VPS13A: variants seen among roughly 807,000 people sequenced by gnomAD.
VPS13A encodes the protein vacuolar protein sorting 13 homolog A.
A neutral mutation model predicts 390.9 loss-of-function variants in VPS13A; 264 were observed. The ratio of observed to expected loss-of-function variants is 0.68; its 90% CI spans 0.61 to 0.75. The LOEUF (loss-of-function observed/expected upper bound fraction) is 0.75. Among genes scored for constraint, VPS13A ranks in the 30% least tolerant of loss-of-function variants. VPS13A has a pLI of 0.00. For synonymous variants in VPS13A, 1,231 were observed against 1,227.1 expected (o/e 1.00, Z -0.07); for missense variants, 3,409 against 3,733.9 (o/e 0.91, Z 2.27).
chr9:77,342,827 A>G (rs769227330), intron 50 of VPS13A, among the ~76,000 whole-genome samples: 37 of 152,274 alleles, frequency 2.4e-4, no homozygotes, highest in Admixed American at 1.1e-3. Flanking sequence ...AGAAAGCACA[A>G]TTACCACCTG....
chr9:77,325,187 G>T (rs1296482574), intron 45 of VPS13A, among the ~76,000 whole-genome samples: 2 of 152,182 alleles, frequency 1.3e-5, no homozygotes, highest in African/African-American at 2.4e-5. Flanking sequence ...TGCATGCGCA[G>T]TTCACGCTCC....
At chr9:77,263,602 T>C (rs1387745835) in intron 23 of VPS13A, among the ~76,000 whole-genome samples, 1 of 152,208 alleles carries the variant, frequency 6.6e-6, no homozygotes, top group East Asian at 1.9e-4. Context: ...GTTGGTTTCT[T>C]ACTTGTAAAT....
At chr9:77,184,487 C>G (rs1824209890) in intron 1 of VPS13A, among the ~76,000 whole-genome samples, 1 of 152,018 alleles carries the variant, frequency 6.6e-6, no homozygotes, top group Non-Finnish European at 1.5e-5. Context: ...GGTGTGGTGG[C>G]GGGCACCTGT....
At chr9:77,349,895 C>T (rs545062816) in intron 52 of VPS13A, among the ~76,000 whole-genome samples, 16 of 152,134 alleles carry the variant, frequency 1.1e-4, no homozygotes, top group East Asian at 7.7e-4. Flanking sequence ...CCACCTGCCT[C>T]GACCTCCGAA....
chr9:77,222,770 A>G (rs1823294669), intron 13 of VPS13A, among the ~76,000 whole-genome samples: 1 of 152,196 alleles, frequency 6.6e-6, no homozygotes, highest in Non-Finnish European at 1.5e-5. Flanking sequence ...GCATCCATAT[A>G]AGACAGCTGT....
chr9:77,261,687 C>T (rs555725153), intron 23 of VPS13A, among the ~76,000 whole-genome samples: 4 of 151,996 alleles, frequency 2.6e-5, no homozygotes, highest in Admixed American at 6.6e-5. Flanking sequence ...CAGGTTCAAG[C>T]GGTTGTCCCA....
At chr9:77,298,377 A>G (rs1828134955) in intron 33 of VPS13A, among the ~76,000 whole-genome samples, 1 of 152,220 alleles carries the variant, frequency 6.6e-6, no homozygotes, top group Non-Finnish European at 1.5e-5. Context: ...AAGAATGCTG[A>G]GGAATACCAG....
At chr9:77,405,841 T>G (rs761530406) in intron 69 of VPS13A, 23 bp from the exon 70 acceptor site, 2 of 1,611,554 alleles carry the variant, frequency 1.2e-6, no homozygotes, top group South Asian at 2.2e-5. Flanking sequence ...AAGCGAATTC[T>G]TTTTTTGTTT....
At chr9:77,342,205 A>G (rs568759621) in intron 50 of VPS13A, among the ~76,000 whole-genome samples, 3 of 152,270 alleles carry the variant, frequency 2.0e-5, no homozygotes, top group South Asian at 2.1e-4. Flanking sequence ...ACAAACCACA[A>G]TGAAAGTAAC....
At chr9:77,354,926 A>G (rs974758948) in intron 54 of VPS13A, among the ~76,000 whole-genome samples, 1 of 152,120 alleles carries the variant, frequency 6.6e-6, no homozygotes, top group Admixed American at 6.6e-5. Flanking sequence ...CTACTTTTGC[A>G]CTGTACTTCA....
chr9:77,293,210 A>C, intron 31 of VPS13A, 131 bp from the exon 32 acceptor site: 3 of 787,416 alleles, frequency 3.8e-6, no homozygotes, highest in Non-Finnish European at 6.1e-6. Flanking sequence ...TTGTTGCCTC[A>C]TTTGTACTTG....
Position 77,416,112 on chromosome 9 carries a change from T to G in VPS13A, c.*106T>G, listed in dbSNP as rs1835160786. On this transcript the variant is annotated 3_prime_UTR_variant, in exon 72 of 72. Coordinates refer to ENST00000360280, the MANE Select transcript of VPS13A (RefSeq NM_033305.3). The stretch of plus-strand genomic sequence containing the variant: ...ATTACAGAAATGATTTCAAGTACCC[T>G]GTATTCTGGATGCTAAAAAACAAAA... The G allele has an allele frequency of 1.5e-6, 2 of 1,331,078 alleles. No homozygotes were observed. Among genetic ancestry groups the G allele is most frequent in the Non-Finnish European group, 2.1e-6 (2 of 942,452 alleles). The allele number at this position is 1,331,078 out of a possible 1,614,324, so 82.5% of individuals were successfully genotyped here.
chr9:77,280,319 G>A lies in VPS13A; in HGVS notation c.2904+81G>A, dbSNP rs1057142928. On this transcript the variant is annotated intron_variant, in intron 27 of 71. Transcript: ENST00000360280. ...AGTTTTGTAAGTTTGGTATTATTCA[G>A]TTTATTTAATCTTCACTGTAACATA... 3.0e-5 allele frequency: 36 copies of A among 1,200,420 alleles called. No homozygotes were observed. In the African/African-American group the frequency reaches 4.2e-4, roughly 14 times the overall value. 74.4% of individuals were successfully genotyped at this position (1,200,420 alleles called of 1,614,324 possible). A position where few individuals can be genotyped will look rare whatever the true frequency, so the allele number is the denominator to read the frequency against.
At chr9:77,334,157 G>C (rs7868708) in intron 46 of VPS13A, among the ~76,000 whole-genome samples, 22,822 of 152,144 alleles carry the variant, frequency 0.15, 2,067 homozygotes, top group African/African-American at 0.25. Context: ...AGATAAGGAA[G>C]CATGAAAGCA....
At chr9:77,316,140 A>G (rs774073831) in intron 38 of VPS13A, 34 bp from the exon 39 acceptor site, 23 of 1,270,994 alleles carry the variant, frequency 1.8e-5, no homozygotes, top group Non-Finnish European at 2.5e-5. Context: ...CATAATATAT[A>G]GCAAATATTT....
intron 67 of VPS13A, among the ~76,000 whole-genome samples, chr9:77,374,357 A>G (rs1832958438): frequency 6.6e-6 from 1 of 152,236 alleles, no homozygotes; most frequent in Non-Finnish European, 1.5e-5. Context: ...TGAAAGTAAA[A>G]TAAACGTTAC....
chr9:77,370,134 T>C lies in VPS13A; in HGVS notation c.8668-123T>C, dbSNP rs1832666823. The stretch of plus-strand genomic sequence containing the variant: ...TTAATGTGAAACTTTTTGCTGATAT[T>C]ACTTCCTCTGGGACAACATTATCCA... On this transcript the variant is annotated intron_variant, in intron 63 of 71. Transcript: ENST00000360280. 5.6e-6 allele frequency: 6 copies of C among 1,070,152 alleles called. No homozygotes were observed. The Admixed American group carries it at 8.0e-5, about 14-fold the overall frequency. The allele number at this position is 1,070,152 out of a possible 1,614,324, so 66.3% of individuals were successfully genotyped here.
chr9:77,379,477 T>C (rs975652419), intron 67 of VPS13A, among the ~76,000 whole-genome samples: 9 of 152,208 alleles, frequency 5.9e-5, no homozygotes, highest in African/African-American at 2.2e-4. Flanking sequence ...CGACCTCAGG[T>C]GATCTGCCCG....
intron 27 of VPS13A, among the ~76,000 whole-genome samples, chr9:77,280,687 T>C (rs1007615404): frequency 2.6e-5 from 4 of 152,208 alleles, no homozygotes; most frequent in African/African-American, 9.6e-5. Flanking sequence ...CTATGTACTA[T>C]GGTCTATTTC....
Sources: gnomAD v4.1 joint callset for allele counts (sites outside exome capture counted in the v4.1 genomes callset) on GRCh38, gnomAD v4.1.1 for gene constraint, MANE v1.5 for transcripts, NCBI Gene and HGNC (gene_info 2026-07-23, HGNC 2026-07-21) for gene names.